Variants in CELF2 observed in about 807,000 individuals in gnomAD.
CELF2 encodes the protein CUG triplet repeat RNA-binding protein 2.
Under a neutral mutation model 62.6 loss-of-function variants are expected in CELF2, and 8 were observed. That is an observed-to-expected ratio of 0.13 (90% CI 0.07 to 0.23). CELF2 has a LOEUF of 0.23. Among genes scored for constraint, CELF2 ranks in the 10% least tolerant of loss-of-function variants. The probability of loss-of-function intolerance (pLI) is 1.00; values close to 1 mark genes in which losing one functional copy is unlikely to be tolerated. For missense variants in CELF2, 333 were observed against 671.0 expected (o/e 0.50, Z 5.56); for synonymous variants, 258 against 250.0 (o/e 1.03, Z -0.30).
the CELF2 span, among the ~76,000 whole-genome samples, chr10:10,691,627 T>G: frequency 6.6e-6 from 1 of 151,628 alleles, no homozygotes; most frequent in South Asian, 2.1e-4. Context: ...CCACCAACAG[T>G]GTAAAAGTGT....
chr10:10,934,620 C>G lies in CELF2; in HGVS notation c.89+14621C>G, dbSNP rs1248825914. 1 of 152,204 alleles carries G rather than the reference C, an allele frequency of 6.6e-6. No individual in the cohort carries two copies. The highest frequency in any genetic ancestry group is 1.5e-5 in the Non-Finnish European group (1 of 68,054). The allele number at this position is 152,204 out of a possible 1,614,324, so 9.4% of individuals were successfully genotyped here. On this transcript the variant is annotated intron_variant, in intron 2 of 13. Transcript: ENST00000636488. The surrounding 1 kb of genome is among the most constrained non-coding windows in gnomAD (Gnocchi z 4.4). ...TCTCACATTTCCAGTTTAGGAATGT[C>G]CTAGTATCATGAACAAAAACTAGGG...
Position 10,977,850 on chromosome 10 carries a change from A to G in CELF2, c.89+57851A>G, listed in dbSNP as rs567002208. Among the ~76,000 whole-genome samples the G allele has an allele frequency of 2.2e-3, 334 of 152,318 alleles. 8 individuals are homozygous for G. Among genetic ancestry groups the G allele is most frequent in the Non-Finnish European group, 2.9e-3 (196 of 68,024 alleles). ...TGTGTTTTAACAATTTGGGGCTTAC[A>G]GTAAAAGGGGCATCTTGATTGTCCC... is the stretch of plus-strand genomic sequence containing the variant. On this transcript the variant is annotated intron_variant, in intron 2 of 13. Transcript: ENST00000636488.
At chr10:10,944,288 G>T (rs950213863) in intron 2 of CELF2, 1 of 152,808 alleles carries the variant, frequency 6.5e-6, no homozygotes, top group Non-Finnish European at 1.5e-5. Flanking sequence ...CTCCTTGGCT[G>T]TAGATGATTT....
Position 11,039,123 on chromosome 10 carries a change from C to T in CELF2, c.74+20960C>T, listed in dbSNP as rs1341089142. ...TCGACCATGTAACGGCGATAACAGC[C>T]GAGTCCTGTGTCAGCTCTCCTATTA... On this transcript the variant is annotated intron_variant, in intron 1 of 12. Coordinates refer to ENST00000633077, the MANE Select transcript of CELF2 (RefSeq NM_001326342.2). This position sits in a 1 kb window ranked among gnomAD's most constrained non-coding sequence, Gnocchi z 4.1. 1.3e-5 allele frequency among the ~76,000 whole-genome samples: 2 copies of T among 152,196 alleles called. No individual in the cohort carries two copies. Among genetic ancestry groups the T allele is most frequent in the African/African-American group, 2.4e-5 (1 of 41,446 alleles).
chr10:10,965,562 T>C (rs2050036109), intron 2 of CELF2, among the ~76,000 whole-genome samples: 1 of 152,226 alleles, frequency 6.6e-6, no homozygotes, highest in East Asian at 1.9e-4. Context: ...TCTGCATTGC[T>C]AATGATTCCC....
intron 2 of CELF2, among the ~76,000 whole-genome samples, chr10:11,175,317 T>C (rs2070660459): frequency 6.6e-6 from 1 of 152,048 alleles, no homozygotes; most frequent in East Asian, 1.9e-4. Context: ...CCTCAGAGCA[T>C]TGAGTCATGA....
intron 4 of CELF2, 168 bp from the exon 5 acceptor site, chr10:11,257,552 AGGTGGGAGGGAGTGGCAG>A (rs1313824322): frequency 1.7e-6 from 1 of 576,252 alleles, no homozygotes; most frequent in Admixed American, 3.0e-5. Context: ...AGGAAGCACC[AGGTGGGAGGGAGTGGCAG>A]GGTGGGGCGC....
intron 2 of CELF2, among the ~76,000 whole-genome samples, chr10:10,989,185 C>G (rs889628670): frequency 1.3e-5 from 2 of 152,074 alleles, no homozygotes; most frequent in African/African-American, 4.8e-5. Context: ...AAATTTTTCC[C>G]AGATAAATCC....
At chr10:11,097,816 A>G (rs946098982) in intron 1 of CELF2, among the ~76,000 whole-genome samples, 14 of 152,226 alleles carry the variant, frequency 9.2e-5, no homozygotes, top group African/African-American at 3.4e-4. Flanking sequence ...TCTCTGGTCA[A>G]CCAACCTTTG....
chr10:10,559,259 C>G, the CELF2 span, among the ~76,000 whole-genome samples: 4 of 152,092 alleles, frequency 2.6e-5, no homozygotes, highest in African/African-American at 9.7e-5. Context: ...GTGAAGAATT[C>G]GATGTTTTCT....
chr10:11,084,752 G>GAA (rs36011196), intron 1 of CELF2, among the ~76,000 whole-genome samples: 3 of 150,446 alleles, frequency 2.0e-5, no homozygotes, highest in African/African-American at 7.3e-5. Flanking sequence ...GAGAATAAAA[G>GAA]AAAAAAAAAC....
the CELF2 span, among the ~76,000 whole-genome samples, chr10:10,686,667 C>T: frequency 6.6e-6 from 1 of 152,146 alleles, no homozygotes; most frequent in African/African-American, 2.4e-5. Flanking sequence ...CTCTCACCTG[C>T]CACCATGTAA....
the CELF2 span, among the ~76,000 whole-genome samples, chr10:10,486,981 T>C: frequency 5.3e-5 from 8 of 152,306 alleles, no homozygotes; most frequent in African/African-American, 1.9e-4. Context: ...TCCCCTAGTA[T>C]AAAATTAAAT....
chr10:10,774,204 A>G, the CELF2 span, among the ~76,000 whole-genome samples: 1 of 152,328 alleles, frequency 6.6e-6, no homozygotes, highest in East Asian at 1.9e-4. Flanking sequence ...TACAATTCCA[A>G]ACACGAGAGA....
At chr10:11,024,871 G>A (rs1020211754) in intron 1 of CELF2, among the ~76,000 whole-genome samples, 1 of 152,196 alleles carries the variant, frequency 6.6e-6, no homozygotes, top group African/African-American at 2.4e-5. Flanking sequence ...CTTTTGGACA[G>A]CTTAAATTGT....
In CELF2 at chr10:11,296,171, C is replaced by T. The variant is rs1349222314; in HGVS notation, c.976+7619C>T. Reference sequence around the variant, plus strand: ...CATCTTAGGGCTGCCACTCACCAAGCGCATTGTTCCTTGTTTTGAGTGGGC... The same window carrying T: ...CATCTTAGGGCTGCCACTCACCAAGTGCATTGTTCCTTGTTTTGAGTGGGC... On this transcript the variant is annotated intron_variant, in intron 9 of 12. Transcript: ENST00000633077. This position sits in a 1 kb window ranked among gnomAD's most constrained non-coding sequence, Gnocchi z 5.0. Among the ~76,000 whole-genome samples, 1 of 152,228 alleles carries T rather than the reference C, an allele frequency of 6.6e-6. No individual in the cohort carries two copies. Among genetic ancestry groups the T allele is most frequent in the African/African-American group, 2.4e-5 (1 of 41,466 alleles).
chr10:10,508,660 A>ATGTGTGTGTG, the CELF2 span, among the ~76,000 whole-genome samples: 37 of 140,796 alleles, frequency 2.6e-4, no homozygotes, highest in African/African-American at 8.4e-4. Context: ...TCTTAAACAG[A>ATGTGTGTGTG]TGTGTGTGTG....
chr10:10,699,803 T>C, the CELF2 span, among the ~76,000 whole-genome samples: 2 of 152,196 alleles, frequency 1.3e-5, no homozygotes, highest in African/African-American at 4.8e-5. Context: ...ACTTCTGGCT[T>C]TTCAGTTGGA....
At chr10:11,273,968 A>ACCCCCCCCCCCCC (rs10612614) in intron 7 of CELF2, among the ~76,000 whole-genome samples, 17 of 96,484 alleles carry the variant, frequency 1.8e-4, no homozygotes, top group South Asian at 3.7e-4. Flanking sequence ...AGTGATCCCC[A>ACCCCCCCCCCCCC]CCCCCCCCCC....
Sources: allele counts gnomAD v4.1 joint callset (sites outside exome capture counted in the v4.1 genomes callset), GRCh38; gene constraint gnomAD v4.1.1; non-coding constraint Gnocchi (gnomAD v3.1); transcripts MANE v1.5; gene names NCBI Gene and HGNC (gene_info 2026-07-23, HGNC 2026-07-21).